The following HIRIP3 variants were observed in gnomAD, a reference collection of about 807,000 sequenced individuals.
HIRIP3 encodes the protein HIRA interacting protein 3, also known as HIRA-interacting protein 3.
HIRIP3 carries 40 observed loss-of-function variants against 50.3 expected under a neutral mutation model. That is an observed-to-expected ratio of 0.79 (90% CI 0.62 to 1.03). The LOEUF (loss-of-function observed/expected upper bound fraction) is 1.03, where lower values mean the gene tolerates loss of function less well. Among genes scored for constraint, HIRIP3 ranks in the 50% least tolerant of loss-of-function variants. The pLI is 0.00. For synonymous variants in HIRIP3, 318 were observed against 261.6 expected, an observed-to-expected ratio of 1.22 and a Z score of -2.08; for missense variants, 765 against 705.4, an observed-to-expected ratio of 1.08 and a Z score of -0.96.
At chr16:29,995,279 C>T (rs2070064659) in intron 2 of HIRIP3, 62 bp from the exon 3 acceptor site, 6 of 1,611,844 alleles carry the variant, frequency 3.7e-6, no homozygotes, top group Non-Finnish European at 5.1e-6. Context: ...CCCCGTCAGG[C>T]CCCTCCTCCT....
chr16:29,992,978 T>C lies in HIRIP3; in HGVS notation c.*229A>G. The C allele has an allele frequency of 2.6e-6, 1 of 387,726 alleles. No homozygotes were observed. Among genetic ancestry groups the C allele is most frequent in the East Asian group, 3.9e-5 (1 of 25,646 alleles). 24.0% of individuals were successfully genotyped at this position (387,726 alleles called of 1,614,324 possible). A position where few individuals can be genotyped will look rare whatever the true frequency, so the allele number is the denominator to read the frequency against. On this transcript the variant is annotated 3_prime_UTR_variant, in exon 7 of 7. Coordinates refer to ENST00000279392, the MANE Select transcript of HIRIP3 (RefSeq NM_003609.5). ...TGGCCCAAAATACAGGAGGTGAGAA[T>C]GGGGGACCAAATTTGATGAGGTGAT... is the stretch of plus-strand genomic sequence containing the variant.
chr16:29,994,155 A>G lies in HIRIP3; in HGVS notation c.990T>C (p.Ser330=). The G allele has an allele frequency of 6.2e-7, 1 of 1,613,536 alleles. No individual in the cohort carries two copies. Among genetic ancestry groups the G allele is most frequent in the Admixed American group, 1.7e-5 (1 of 59,934 alleles). ...TGTCTTCCTCGTCCTCGCTGCTTCC[A>G]CTCAACCTCTTCCCACCCTTAAGCT... ...RTQLKGGKRL[S]GSSEDEEDSG... The change falls in exon 4 of 7, where the codon AGT becomes AGC. Residue 330 remains serine (S), a synonymous_variant. Transcript: ENST00000279392.
At chr16:29,995,645 T>C (rs1332752937), upstream of HIRIP3, 10 of 1,607,048 alleles carry the variant, frequency 6.2e-6, no homozygotes, top group Non-Finnish European at 7.6e-6. Context: ...CCTTTTTTTC[T>C]TCTCGGCCTC....
chr16:29,994,271 C>G lies in HIRIP3; in HGVS notation c.874G>C (p.Glu292Gln). The G allele has an allele frequency of 6.2e-7, 1 of 1,614,182 alleles. No homozygotes were observed. Among genetic ancestry groups the G allele is most frequent in the Non-Finnish European group, 8.5e-7 (1 of 1,180,022 alleles). ...CTGGCTGCCTCTTTCTGCTCTTCCT[C>G]GCTGTCTGAGTCTCCCAAGAGCCTC... is the stretch of plus-strand genomic sequence containing the variant. ...AKRLLGDSDSEEEQKEAASSG... is the reference protein window; with the variant it reads ...AKRLLGDSDSQEEQKEAASSG... Residue 292 changes from glutamate to glutamine, a missense_variant, in exon 4 of 7, where the codon GAG becomes CAG. Glu to Gln is a conservative substitution (Grantham distance 29). Transcript: ENST00000279392.
In HIRIP3 at chr16:29,994,671, C is replaced by G. The variant is rs1020485608; in HGVS notation, c.474G>C (p.Glu158Asp). The change falls in exon 4 of 7, where the codon GAG becomes GAC. Residue 158 changes from glutamate to aspartate, a missense_variant. Coordinates refer to ENST00000279392, the MANE Select transcript of HIRIP3 (RefSeq NM_003609.5). Reference sequence around the variant, plus strand: ...ACCCCTTTTCCTCCTCCTCACTGCTCTCCTCTCCCCTCTGTGCGGGCAGGT... The same window carrying G: ...ACCCCTTTTCCTCCTCCTCACTGCTGTCCTCTCCCCTCTGTGCGGGCAGGT... ...QRDLPAQRGE[E>D]SSEEEEKGYK... 4 of 1,614,042 alleles carry G rather than the reference C, an allele frequency of 2.5e-6. No individual in the cohort carries two copies. In the African/African-American group the frequency reaches 4.0e-5, roughly 16 times the overall value.
At position 29,993,992 on chromosome 16, in the gene HIRIP3, G is replaced by C. The variant is rs777782061; in HGVS notation, c.1153C>G (p.Arg385Gly). 1 of 1,583,624 alleles carries C rather than the reference G, an allele frequency of 6.3e-7. No individual in the cohort carries two copies. Among genetic ancestry groups the C allele is most frequent in the Admixed American group, 1.8e-5 (1 of 55,226 alleles). The change falls in exon 4 of 7, where the codon CGC (arginine) becomes GGC (glycine). Residue 385 changes from arginine to glycine, a missense_variant. Transcript: ENST00000279392. ...GGGPQGERKN[R>G]SSKKSSRKGR... is the part of the protein sequence containing the mutation. ...TTCCTGGAGCTCTTCTTGGAAGAGCGGTTCTTCCTCTCCCCCTGGGGGCCT... is the reference window on the plus strand; with the variant it reads ...TTCCTGGAGCTCTTCTTGGAAGAGCCGTTCTTCCTCTCCCCCTGGGGGCCT...
In HIRIP3 at chr16:29,994,070, T is replaced by A; in HGVS notation, c.1075A>T (p.Ser359Cys). 2 of 1,613,132 alleles carry A rather than the reference T, an allele frequency of 1.2e-6. No individual in the cohort carries two copies. The highest frequency in any genetic ancestry group is 2.2e-5 in the South Asian group (2 of 90,918). The change falls in exon 4 of 7, where the codon AGT becomes TGT. Residue 359 changes from serine to cysteine, a missense_variant. Transcript: ENST00000279392. ...CTCTCCAAGTCACTTTCCTCACCAC[T>A]GGTGCTGCCCAGTCTGGCCATCTTT... ...SRKMARLGST[S>C]GEESDLEREV...
rs1283818686 is a variant in HIRIP3, at chr16:29,995,056, T to C, written c.301+47A>G. 5 of 1,579,524 alleles carry C rather than the reference T, an allele frequency of 3.2e-6. 1 individual carries two copies. Among genetic ancestry groups the C allele is most frequent in the Non-Finnish European group, 4.4e-6 (5 of 1,148,832 alleles). On this transcript the variant is annotated intron_variant, in intron 3 of 6. Transcript: ENST00000279392. ...AGATGCGCAGTGAATGCTTCTTGAGTGAACCAACGATGCAGAAGGCCCCCA... is the reference window on the plus strand; with the variant it reads ...AGATGCGCAGTGAATGCTTCTTGAGCGAACCAACGATGCAGAAGGCCCCCA...
rs761058419 is a variant in HIRIP3 at position 29,992,920 on chromosome 16, G to C, written c.*287C>G. ...AATTAAAGGGAACCAGGCCAGGGGAGGAGGTGGAGGCAGTGACTACTGCTC... is the reference window on the plus strand; with the variant it reads ...AATTAAAGGGAACCAGGCCAGGGGACGAGGTGGAGGCAGTGACTACTGCTC... On this transcript the variant is annotated 3_prime_UTR_variant, in exon 7 of 7. Transcript: ENST00000279392. 1 of 284,846 alleles carries C rather than the reference G, an allele frequency of 3.5e-6. No individual in the cohort carries two copies. Among genetic ancestry groups the C allele is most frequent in the Non-Finnish European group, 6.5e-6 (1 of 153,994 alleles). The allele number at this position is 284,846 out of a possible 1,614,324, so 17.6% of individuals were successfully genotyped here. A position where few individuals can be genotyped will look rare whatever the true frequency, so the allele number is the denominator to read the frequency against.
Position 29,993,655 on chromosome 16 carries a change from C to T in HIRIP3, c.1393G>A (p.Ala465Thr). 6.2e-7 allele frequency: 1 copy of T among 1,612,166 alleles called. No homozygotes were observed. Among genetic ancestry groups the T allele is most frequent in the South Asian group, 1.1e-5 (1 of 91,080 alleles). ...CGGGCCTCACCCTTCATGCCTAGCG[C>T]TTCCAGTTCTGCCCGGAGGATACTC... ...RLSILRAELE[A>T]LGMKGTPSLG... The change falls in exon 5 of 7, where the codon GCG becomes ACG. Residue 465 changes from alanine (A) to threonine (T), a missense_variant. Coordinates refer to ENST00000279392, the MANE Select transcript of HIRIP3 (RefSeq NM_003609.5).
upstream of HIRIP3, chr16:29,995,851 C>T (rs1292951187): frequency 2.8e-5 from 17 of 597,498 alleles, no homozygotes; most frequent in East Asian, 4.8e-4. Flanking sequence ...TCGTTAGAAA[C>T]CAATTCGGCG....
chr16:29,994,742 C>T lies in HIRIP3; in HGVS notation c.403G>A (p.Ala135Thr), dbSNP rs1450605126. 1.9e-6 allele frequency: 3 copies of T among 1,614,236 alleles called. No individual in the cohort carries two copies. Reference protein sequence around the residue: ...SPAKEENPRRASKAVEESSDE... With the variant: ...SPAKEENPRRTSKAVEESSDE... ...CTGCTCTCCTCAACTGCCTTTGAGG[C>T]TCGCCTTGGATTCTCCTCTTTGGCT... The change falls in exon 4 of 7, where the codon GCC (alanine) becomes ACC (threonine). Residue 135 changes from alanine to threonine, a missense_variant. Physicochemically the swap from Ala to Thr is moderately conservative, Grantham distance 58. Coordinates refer to ENST00000279392, the MANE Select transcript of HIRIP3 (RefSeq NM_003609.5).
Position 29,994,818 on chromosome 16 carries a change from T to G in HIRIP3, c.327A>C (p.Pro109=). Reference sequence around the variant, plus strand: ...TCTTTGCTGGGGGTCCAAAGTAGTCTGGGCTGGAGGCTTCAGAGCCGGACT... The same window carrying G: ...TCTTTGCTGGGGGTCCAAAGTAGTCGGGGCTGGAGGCTTCAGAGCCGGACT... The part of the protein sequence containing the change: ...ESESGSEASS[P]DYFGPPAKNG... Residue 109 remains proline, a synonymous_variant, in exon 4 of 7, where the codon CCA becomes CCC. Transcript: ENST00000279392. The G allele has an allele frequency of 3.1e-6, 5 of 1,612,344 alleles. No homozygotes were observed. Among genetic ancestry groups the G allele is most frequent in the Non-Finnish European group, 4.2e-6 (5 of 1,179,166 alleles).
rs765611782 is a variant in HIRIP3 at position 29,994,032 on chromosome 16, G to T, written c.1113C>A (p.Asp371Glu). 4 of 1,611,092 alleles carry T rather than the reference G, an allele frequency of 2.5e-6. No individual in the cohort carries two copies. The East Asian group carries it at 8.9e-5, about 36-fold the overall frequency. ...CCTGGGGGCCTCCCCCTGCCTCGCTGTCACTTACCTCCCTCTCCAAGTCAC... is the reference window on the plus strand; with the variant it reads ...CCTGGGGGCCTCCCCCTGCCTCGCTTTCACTTACCTCCCTCTCCAAGTCAC... Reference protein sequence around the residue: ...EESDLEREVSDSEAGGGPQGE... With the variant: ...EESDLEREVSESEAGGGPQGE... The change falls in exon 4 of 7, where the codon GAC (aspartate) becomes GAA (glutamate). Residue 371 changes from aspartate to glutamate, a missense_variant. Transcript: ENST00000279392.
At position 29,993,111 on chromosome 16, in the gene HIRIP3, T is replaced by G. The variant is rs1258142483; in HGVS notation, c.*96A>C. 2 of 1,201,494 alleles carry G rather than the reference T, an allele frequency of 1.7e-6. No individual in the cohort carries two copies. Among genetic ancestry groups the G allele is most frequent in the African/African-American group, 3.1e-5 (2 of 64,592 alleles). 74.4% of individuals were successfully genotyped at this position (1,201,494 alleles called of 1,614,324 possible). ...TGTGTCCTTGGGAGCTGCAGTCTTC[T>G]CTGAAGGAAGCTGCTTCTGTTCCAC... On this transcript the variant is annotated 3_prime_UTR_variant, in exon 7 of 7. Coordinates refer to ENST00000279392, the MANE Select transcript of HIRIP3 (RefSeq NM_003609.5).
Position 29,993,980 on chromosome 16 carries a change from T to C in HIRIP3, c.1165A>G (p.Lys389Glu). ...QGERKNRSSK[K>E]SSRKGRTRSS... Reference sequence around the variant, plus strand: ...CGTGTCCTGCCTTTCCTGGAGCTCTTCTTGGAAGAGCGGTTCTTCCTCTCC... The same window carrying C: ...CGTGTCCTGCCTTTCCTGGAGCTCTCCTTGGAAGAGCGGTTCTTCCTCTCC... The change falls in exon 4 of 7, where the codon AAG becomes GAG. Residue 389 changes from lysine to glutamate, a missense_variant. Physicochemically the swap from Lys to Glu is moderately conservative, Grantham distance 56. Coordinates refer to ENST00000279392, the MANE Select transcript of HIRIP3 (RefSeq NM_003609.5). The C allele has an allele frequency of 6.3e-7, 1 of 1,576,422 alleles. No homozygotes were observed. Among genetic ancestry groups the C allele is most frequent in the South Asian group, 1.2e-5 (1 of 84,498 alleles).
At chr16:29,995,705 TGGGGCGAGGGACC>T (rs2070082225), upstream of HIRIP3, 1 of 1,458,714 alleles carries the variant, frequency 6.9e-7, no homozygotes, top group African/African-American at 1.4e-5. Context: ...TGCGGCAACG[TGGGGCGAGGGACC>T]GTTGGCCCTT....
At position 29,994,424 on chromosome 16, in the gene HIRIP3, CCT is replaced by C. The variant is rs771003688; in HGVS notation, c.719_720del (p.Glu240GlyfsTer12). The stretch of plus-strand genomic sequence containing the variant: ...TCTTTCTCTTCCTCCTCCACTTCCT[CCT>C]CTCTCTGCTCTTTCTTCTGGGCTAG... ...EILAQKKEQR[E>X]EEVEEEEKEE... On this transcript the variant is annotated frameshift_variant, in exon 4 of 7. Coordinates refer to ENST00000279392, the MANE Select transcript of HIRIP3 (RefSeq NM_003609.5). LOFTEE classifies it high-confidence loss of function. 37 of 1,613,802 alleles carry C rather than the reference CCT, an allele frequency of 2.3e-5. No homozygotes were observed. Among genetic ancestry groups the C allele is most frequent in the African/African-American group, 1.3e-4 (10 of 74,862 alleles).
chr16:29,993,872 C>G lies in HIRIP3; in HGVS notation c.1239+34G>C, dbSNP rs754847963. ...GCCTGAGGCAGGGTCTCCCTCTTCC[C>G]TAATAGTGGCCTCCCACCCCTCCTC... On this transcript the variant is annotated intron_variant, in intron 4 of 6. Coordinates refer to ENST00000279392, the MANE Select transcript of HIRIP3 (RefSeq NM_003609.5). 3.1e-6 allele frequency: 5 copies of G among 1,597,896 alleles called. 1 individual carries two copies. The highest frequency in any genetic ancestry group is 1.1e-5 in the South Asian group (1 of 89,374).
Sources: gnomAD v4.1 joint callset for allele counts on GRCh38, gnomAD v4.1.1 for gene constraint, MANE v1.5 for transcripts, NCBI Gene and HGNC (gene_info 2026-07-23, HGNC 2026-07-21) for gene names.